Variants in TMEM74 observed in about 807,000 individuals in gnomAD.
The protein encoded by TMEM74 is transmembrane protein 74.
Under a neutral mutation model 18.1 loss-of-function variants are expected in TMEM74, and 13 were observed. The observed-to-expected ratio is 0.72, with a 90% CI of 0.47 to 1.14. The LOEUF (loss-of-function observed/expected upper bound fraction) is 1.14, where lower values mean the gene tolerates loss of function less well. TMEM74 is among the 50% of genes most tolerant of loss of function. The pLI is 0.00. For missense variants in TMEM74, 372 were observed against 375.9 expected (o/e 0.99, Z 0.09); for synonymous variants, 159 against 146.6 (o/e 1.08, Z -0.61).
At chr8:108,748,415 G>GT (rs879074883) in intron 1 of TMEM74, among the ~76,000 whole-genome samples, 7 of 150,448 alleles carry the variant, frequency 4.7e-5, no homozygotes, top group South Asian at 2.1e-4. Flanking sequence ...TGGGGTTGTT[G>GT]TTTTTTTTTC....
rs1814283196 is a variant in TMEM74, at chr8:108,779,982, C to T, written c.*4199G>A. Among the ~76,000 whole-genome samples the T allele has an allele frequency of 6.6e-6, 1 of 152,080 alleles. No homozygotes were observed. Among genetic ancestry groups the T allele is most frequent in the South Asian group, 2.1e-4 (1 of 4,830 alleles). ...AAAAACAGATATAGCTAAAAATCAG[C>T]CAAAAGGAAATGATATGTTAATTCT... On this transcript the variant is annotated 3_prime_UTR_variant, in exon 2 of 2. Transcript: ENST00000297459.
chr8:108,785,281 G>C, intron 1 of TMEM74, 144 bp from the exon 2 acceptor site: 1 of 603,944 alleles, frequency 1.7e-6, no homozygotes, highest in South Asian at 2.4e-5. Flanking sequence ...AGAAGGGAGG[G>C]GATACCTAGT....
chr8:108,743,779 T>C (rs553960438), intron 1 of TMEM74, among the ~76,000 whole-genome samples: 1 of 152,256 alleles, frequency 6.6e-6, no homozygotes, highest in Admixed American at 6.5e-5. Context: ...TTGCACAAAG[T>C]TTTATTTTTC....
chr8:108,759,284 C>A (rs1034978982), intron 1 of TMEM74, among the ~76,000 whole-genome samples: 2 of 152,060 alleles, frequency 1.3e-5, no homozygotes, highest in Non-Finnish European at 2.9e-5. Flanking sequence ...TGAACTGTTT[C>A]ATCTGCTATT....
At chr8:108,677,368 A>G (rs1161949503) in intron 1 of TMEM74, among the ~76,000 whole-genome samples, 1 of 152,220 alleles carries the variant, frequency 6.6e-6, no homozygotes, top group Non-Finnish European at 1.5e-5. Context: ...CAAATAAAAT[A>G]TATTATTTTC....
At chr8:108,659,851 C>T (rs1328795462) in intron 1 of TMEM74, among the ~76,000 whole-genome samples, 2 of 152,092 alleles carry the variant, frequency 1.3e-5, no homozygotes, top group Non-Finnish European at 2.9e-5. Context: ...CACCTAAGAC[C>T]ATGCCGTTCC....
chr8:108,710,085 A>C (rs1032428947), intron 1 of TMEM74, among the ~76,000 whole-genome samples: 1 of 152,242 alleles, frequency 6.6e-6, no homozygotes, highest in African/African-American at 2.4e-5. Flanking sequence ...ATTACTTCCC[A>C]GAGTTACTGA....
chr8:108,699,187 C>CCTTCCTTTCTT (rs1563529302), intron 1 of TMEM74, among the ~76,000 whole-genome samples: 1 of 68,792 alleles, frequency 1.5e-5, no homozygotes, highest in Non-Finnish European at 2.6e-5. Context: ...CTTCCTTCCT[C>CCTTCCTTTCTT]CCTCCCTCCC....
At chr8:108,711,622 C>G (rs1054820267) in intron 1 of TMEM74, among the ~76,000 whole-genome samples, 4 of 152,120 alleles carry the variant, frequency 2.6e-5, no homozygotes, top group Non-Finnish European at 4.4e-5. Flanking sequence ...TGTCCCAGGC[C>G]ACCTTGCAGT....
chr8:108,714,003 A>T (rs1813499047), intron 1 of TMEM74, among the ~76,000 whole-genome samples: 1 of 152,180 alleles, frequency 6.6e-6, no homozygotes, highest in African/African-American at 2.4e-5. Context: ...CAGCAGACAG[A>T]TCAACACATT....
intron 1 of TMEM74, among the ~76,000 whole-genome samples, chr8:108,686,315 C>T (rs1813166890): frequency 6.6e-6 from 1 of 152,114 alleles, no homozygotes; most frequent in Non-Finnish European, 1.5e-5. Context: ...TCTCCTGCCT[C>T]AGCCTCCCCA....
chr8:108,769,017 G>A lies in TMEM74; in HGVS notation n.119+18459C>T, dbSNP rs572590218. 3.9e-5 allele frequency among the ~76,000 whole-genome samples: 6 copies of A among 152,156 alleles called. No homozygotes were observed. In the South Asian group the frequency reaches 6.2e-4, roughly 16 times the overall value. On this transcript the variant is annotated intron_variant and non_coding_transcript_variant, in intron 1 of 3. Coordinates refer to the TMEM74 transcript ENST00000518838. Reference sequence around the variant, plus strand: ...AACAGCTTAATATTAAAAATGTCACGTGAGGCAGGGCATGGAGGCTCACGC... The same window carrying A: ...AACAGCTTAATATTAAAAATGTCACATGAGGCAGGGCATGGAGGCTCACGC...
chr8:108,787,214 T>C (rs766985455), intron 1 of TMEM74, among the ~76,000 whole-genome samples: 1 of 152,036 alleles, frequency 6.6e-6, no homozygotes, highest in Non-Finnish European at 1.5e-5. Flanking sequence ...GGAGGCGACC[T>C]CTGGATGCGC....
chr8:108,747,086 T>C (rs1813855532), intron 1 of TMEM74, among the ~76,000 whole-genome samples: 1 of 152,156 alleles, frequency 6.6e-6, no homozygotes, highest in Non-Finnish European at 1.5e-5. Flanking sequence ...GGAGCACATG[T>C]CACAGCCTGG....
chr8:108,648,417 G>A (rs1277331121), intron 2 of TMEM74, among the ~76,000 whole-genome samples: 4 of 152,122 alleles, frequency 2.6e-5, no homozygotes, highest in African/African-American at 9.7e-5. Context: ...AGCTGTCTGT[G>A]CGAGGCAAAA....
At chr8:108,778,422 GA>G (rs1338506114), downstream of TMEM74, among the ~76,000 whole-genome samples, 1 of 152,190 alleles carries the variant, frequency 6.6e-6, no homozygotes, top group Non-Finnish European at 1.5e-5. Context: ...TATAGCGAGA[GA>G]CTGTGGAAAT....
chr8:108,756,668 GAA>G (rs1813973236), intron 1 of TMEM74, among the ~76,000 whole-genome samples: 2 of 95,980 alleles, frequency 2.1e-5, no homozygotes, highest in African/African-American at 9.5e-5. Context: ...AAGAAAGAAA[GAA>G]AGAAAGAAAG....
chr8:108,673,628 A>G (rs950312187), intron 1 of TMEM74, among the ~76,000 whole-genome samples: 2 of 152,338 alleles, frequency 1.3e-5, no homozygotes, highest in Non-Finnish European at 2.9e-5. Context: ...AAGGAAGAAA[A>G]GTGCAAAAGC....
At chr8:108,774,891 A>T (rs1814211252), downstream of TMEM74, among the ~76,000 whole-genome samples, 1 of 151,264 alleles carries the variant, frequency 6.6e-6, no homozygotes, top group South Asian at 2.1e-4. Context: ...GAGCCACAAC[A>T]CTTGGCTAGT....
Sources: gnomAD v4.1 joint callset for allele counts (sites outside exome capture counted in the v4.1 genomes callset) on GRCh38, gnomAD v4.1.1 for gene constraint, MANE v1.5 for transcripts, NCBI Gene and HGNC (gene_info 2026-07-23, HGNC 2026-07-21) for gene names.